CFAP46: variants seen among roughly 807,000 people sequenced by gnomAD.
CFAP46 encodes cilia and flagella associated protein 46, also known as cilia- and flagella-associated protein 46.
A neutral mutation model predicts 325.7 loss-of-function variants in CFAP46; 245 were observed. That is an observed-to-expected ratio of 0.75 (90% CI 0.68 to 0.84). The LOEUF is 0.84. CFAP46 is among the 40% of genes least tolerant of loss of function. The pLI is 0.00. For synonymous variants in CFAP46, 1,523 were observed against 1,495.9 expected, an observed-to-expected ratio of 1.02 and a Z score of -0.42; for missense variants, 3,346 against 3,543.0, an observed-to-expected ratio of 0.94 and a Z score of 1.41.
intron 50 of CFAP46, among the ~76,000 whole-genome samples, chr10:132,815,376 T>G (rs1847673697): frequency 6.6e-6 from 1 of 152,214 alleles, no homozygotes; most frequent in Non-Finnish European, 1.5e-5. Flanking sequence ...GTGCCTATGC[T>G]GGGGCCTCCA....
rs1426502253 is a variant in CFAP46 at position 132,814,161 on chromosome 10, T to G, written c.7379A>C (p.His2460Pro). 6.2e-7 allele frequency: 1 copy of G among 1,613,530 alleles called. No individual in the cohort carries two copies. The highest frequency in any genetic ancestry group is 2.2e-5 in the East Asian group (1 of 44,880). Residue 2460 changes from histidine to proline, a missense_variant, in exon 54 of 58, where the codon CAC becomes CCC. His to Pro is a moderately conservative substitution (Grantham distance 77, BLOSUM62 -2). Coordinates refer to ENST00000368586, the MANE Select transcript of CFAP46 (RefSeq NM_001200049.3). ...SRWAGHLGSK[H>P]FPSQAQWEQA... ...GAGCCCAGATCCGAACCTGGGAAAGTGCTTGCTTCCCAGATGTCCCGCCCA... is the reference window on the plus strand; with the variant it reads ...GAGCCCAGATCCGAACCTGGGAAAGGGCTTGCTTCCCAGATGTCCCGCCCA...
rs1848458453 is a variant in CFAP46 at position 132,847,430 on chromosome 10, CG to C, written c.5953-110del. The C allele has an allele frequency of 7.4e-7, 1 of 1,355,248 alleles. No individual in the cohort carries two copies. The highest frequency in any genetic ancestry group is 1.3e-5 in the South Asian group (1 of 77,902). 84.0% of individuals were successfully genotyped at this position (1,355,248 alleles called of 1,614,324 possible). A position where few individuals can be genotyped will look rare whatever the true frequency, so the allele number is the denominator to read the frequency against. ...TGGTCGGGCTCCTCAGCAGGGTCCCCGGGTAGGGGGTACCGCAGGCCACAGC... is the reference window on the plus strand; with the variant it reads ...TGGTCGGGCTCCTCAGCAGGGTCCCCGGTAGGGGGTACCGCAGGCCACAGC... On this transcript the variant is annotated intron_variant, in intron 41 of 57. Coordinates refer to ENST00000368586, the MANE Select transcript of CFAP46 (RefSeq NM_001200049.3). This position sits in a 1 kb window ranked among gnomAD's most constrained non-coding sequence, Gnocchi z 5.2.
Position 132,808,921 on chromosome 10 carries a change from G to A in CFAP46, c.7665-17C>T, listed in dbSNP as rs753310758. The A allele has an allele frequency of 3.2e-6, 5 of 1,558,254 alleles. No individual in the cohort carries two copies. The highest frequency in any genetic ancestry group is 2.3e-5 in the East Asian group (1 of 44,024). ...AAGCCTCGTCTGTGGAGAAAGGGGC[G>A]GGAGCTATGAACCCCGAGGCCCCGC... On this transcript the variant is annotated splice_polypyrimidine_tract_variant and intron_variant, in intron 57 of 57. Transcript: ENST00000368586. This position sits in a 1 kb window ranked among gnomAD's most constrained non-coding sequence, Gnocchi z 6.8.
intron 50 of CFAP46, among the ~76,000 whole-genome samples, chr10:132,822,391 GTGC>G (rs1373756718): frequency 1.4e-5 from 2 of 147,286 alleles, no homozygotes; most frequent in South Asian, 2.2e-4. Flanking sequence ...GTGCTGATGT[GTGC>G]TGATGTGTGC....
rs1372344260 is a variant in CFAP46 at position 132,918,500 on chromosome 10, C to T, written c.1879G>A (p.Asp627Asn). ...CTCCAGGTGTCCTGCACCGAGCCGT[C>T]CCTACCTCGCTTCTTCTTCCCTGAG... ...LRRGKKKRGR[D>N]GSVQDTWSQP... Residue 627 changes from aspartate (D) to asparagine (N), a missense_variant, in exon 16 of 58, where the codon GAC (aspartate) becomes AAC (asparagine). Transcript: ENST00000368586. The T allele has an allele frequency of 2.0e-6, 3 of 1,523,234 alleles. No individual in the cohort carries two copies. In the African/African-American group the frequency reaches 4.1e-5, roughly 21 times the overall value. The allele number at this position is 1,523,234 out of a possible 1,614,324, so 94.4% of individuals were successfully genotyped here. A position where few individuals can be genotyped will look rare whatever the true frequency, so the allele number is the denominator to read the frequency against.
intron 39 of CFAP46, among the ~76,000 whole-genome samples, chr10:132,856,772 T>A (rs1447242623): frequency 6.6e-6 from 1 of 152,260 alleles, no homozygotes; most frequent in Non-Finnish European, 1.5e-5. Context: ...GATTGATCAA[T>A]TATTCTTCCT....
chr10:132,849,104 G>A (rs1318946553), intron 41 of CFAP46, among the ~76,000 whole-genome samples: 2 of 152,202 alleles, frequency 1.3e-5, no homozygotes, highest in Non-Finnish European at 2.9e-5. Flanking sequence ...AGAACCCTGC[G>A]CCCTCCACAC....
At chr10:132,900,309 A>G (rs1443363952) in intron 22 of CFAP46, among the ~76,000 whole-genome samples, 2 of 152,224 alleles carry the variant, frequency 1.3e-5, no homozygotes, top group Non-Finnish European at 2.9e-5. Flanking sequence ...CCTGGGTGTC[A>G]ACAGCAGCAT....
At chr10:132,941,765 G>C (rs975249645) in intron 2 of CFAP46, 43 bp from the exon 3 acceptor site, 2 of 1,611,014 alleles carry the variant, frequency 1.2e-6, no homozygotes, top group African/African-American at 2.7e-5. Context: ...ACCCGGAGGG[G>C]TGGCCTCCCT....
rs138857557 is a variant in CFAP46 at position 132,929,056 on chromosome 10, C to A, written c.966+649G>T. Reference sequence around the variant, plus strand: ...AGCAAAAAATTATACGGTAGCCCCCCCTTCTCTGAGAGGATACGTTTCAAG... The same window carrying A: ...AGCAAAAAATTATACGGTAGCCCCCACTTCTCTGAGAGGATACGTTTCAAG... On this transcript the variant is annotated intron_variant, in intron 9 of 57. Coordinates refer to ENST00000368586, the MANE Select transcript of CFAP46 (RefSeq NM_001200049.3). The A allele has an allele frequency of 6.3e-3, 1,022 of 162,440 alleles. 20 individuals carry two copies. The highest frequency in any genetic ancestry group is 0.023 in the African/African-American group (964 of 41,922). 10.1% of individuals were successfully genotyped at this position (162,440 alleles called of 1,614,324 possible). A position where few individuals can be genotyped will look rare whatever the true frequency, so the allele number is the denominator to read the frequency against.
In CFAP46 at chr10:132,884,958, A is replaced by G. The variant is rs74161921; in HGVS notation, c.3627+145T>C. ...GTCAGCAAGAGGAGTGCCCGGGGCC[A>G]CGCGGTGCATTCTCTGTGCCCGTCA... On this transcript the variant is annotated intron_variant, in intron 27 of 57. Coordinates refer to ENST00000368586, the MANE Select transcript of CFAP46 (RefSeq NM_001200049.3). This position sits in a 1 kb window ranked among gnomAD's most constrained non-coding sequence, Gnocchi z 5.4. The G allele has an allele frequency of 0.05, 42,044 of 847,914 alleles. 3,553 individuals are homozygous for G. Among genetic ancestry groups the G allele is most frequent in the African/African-American group, 0.31 (18,083 of 57,834 alleles). 52.5% of individuals were successfully genotyped at this position (847,914 alleles called of 1,614,324 possible).
rs182432958 is a variant in CFAP46 at position 132,927,572 on chromosome 10, C to T, written c.967-906G>A. Among the ~76,000 whole-genome samples, 12 of 152,340 alleles carry T rather than the reference C, an allele frequency of 7.9e-5. No individual in the cohort carries two copies. In the South Asian group the frequency reaches 1.7e-3, roughly 21 times the overall value. ...AGGCTGTGTGCCCCGGCCTGTCCAG[C>T]GGCTGCAAGCCTCCATGCCACTAAG... On this transcript the variant is annotated intron_variant, in intron 9 of 57. Coordinates refer to ENST00000368586, the MANE Select transcript of CFAP46 (RefSeq NM_001200049.3).
At chr10:132,904,344 C>A (rs1849427594) in intron 22 of CFAP46, among the ~76,000 whole-genome samples, 1 of 152,092 alleles carries the variant, frequency 6.6e-6, no homozygotes, top group Non-Finnish European at 1.5e-5. Context: ...CACAGGAGCA[C>A]CCACCTGCGG....
At chr10:132,929,268 T>G (rs199589764) in intron 9 of CFAP46, 1 of 583,860 alleles carries the variant, frequency 1.7e-6, no homozygotes, top group African/African-American at 1.9e-5. Context: ...GATGTGGCTG[T>G]GGCCTCTCCC....
At position 132,899,405 on chromosome 10, in the gene CFAP46, C is replaced by A. The variant is rs1849363119; in HGVS notation, c.3056+130G>T. On this transcript the variant is annotated intron_variant, in intron 23 of 57. Transcript: ENST00000368586. ...AAGACTGTGCCCTGAACTGGCCGCA[C>A]CGGCCACCTCCCCTCGCCGGCAGGA... is the stretch of plus-strand genomic sequence containing the variant. 6 of 1,316,932 alleles carry A rather than the reference C, an allele frequency of 4.6e-6. No individual in the cohort carries two copies. In the East Asian group the frequency reaches 1.5e-4, roughly 33 times the overall value. 81.6% of individuals were successfully genotyped at this position (1,316,932 alleles called of 1,614,324 possible).
At chr10:132,915,834 G>A (rs527848294) in intron 17 of CFAP46, among the ~76,000 whole-genome samples, 81 of 152,258 alleles carry the variant, frequency 5.3e-4, no homozygotes, top group Admixed American at 7.2e-4. Flanking sequence ...CCAGCGTGAC[G>A]GATTCGCTGA....
chr10:132,902,169 A>G (rs1432845038), intron 22 of CFAP46, among the ~76,000 whole-genome samples: 1 of 152,084 alleles, frequency 6.6e-6, no homozygotes, highest in Non-Finnish European at 1.5e-5. Flanking sequence ...TTCAGCCATT[A>G]TGTTTTCAAA....
At chr10:132,812,692 G>A (rs995396472) in intron 55 of CFAP46, 93 bp downstream of exon 55, 4 of 862,594 alleles carry the variant, frequency 4.6e-6, no homozygotes, top group Non-Finnish European at 7.6e-6. Context: ...GGGGGTGGGG[G>A]CAGCACCAGC....
At chr10:132,926,462 A>G in intron 10 of CFAP46, 106 bp downstream of exon 10, 1 of 809,236 alleles carries the variant, frequency 1.2e-6, no homozygotes, top group Admixed American at 2.0e-5. Context: ...AGTGGGGTCC[A>G]GGCCATGTCC....
Sources: allele counts gnomAD v4.1 joint callset (sites outside exome capture counted in the v4.1 genomes callset), GRCh38; gene constraint gnomAD v4.1.1; non-coding constraint Gnocchi (gnomAD v3.1); transcripts MANE v1.5; gene names NCBI Gene and HGNC (gene_info 2026-07-23, HGNC 2026-07-21).